DNAJB6: variants seen among roughly 807,000 people sequenced by gnomAD.
The protein encoded by DNAJB6 is DnaJ heat shock protein family (Hsp40) member B6.
DNAJB6 carries 16 observed loss-of-function variants against 42.7 expected under a neutral mutation model. The ratio of observed to expected loss-of-function variants is 0.37; its 90% CI spans 0.25 to 0.57. The LOEUF is 0.57. DNAJB6 is among the 20% of genes least tolerant of loss of function. The pLI is 0.74. For synonymous variants in DNAJB6, 170 were observed against 163.5 expected (o/e 1.04, Z -0.30); for missense variants, 347 against 416.8 (o/e 0.83, Z 1.46).
chr7:157,341,680 T>G (rs746505877), intron 1 of DNAJB6, among the ~76,000 whole-genome samples: 23 of 152,218 alleles, frequency 1.5e-4, no homozygotes, highest in Non-Finnish European at 2.5e-4. Flanking sequence ...TGGGTGGGCT[T>G]TGAATCTGAA....
chr7:157,347,855 G>A (rs904981109), intron 1 of DNAJB6, among the ~76,000 whole-genome samples: 1 of 152,166 alleles, frequency 6.6e-6, no homozygotes, highest in African/African-American at 2.4e-5. Flanking sequence ...GAGTGCAGTG[G>A]TGTGATCTTG....
At chr7:157,371,640 A>T (rs752583980) in intron 5 of DNAJB6, among the ~76,000 whole-genome samples, 1 of 152,248 alleles carries the variant, frequency 6.6e-6, no homozygotes, top group African/African-American at 2.4e-5. Flanking sequence ...TGACTGTCGA[A>T]ATTTCCAGAA....
At chr7:157,410,648 C>T (rs995934502) in intron 9 of DNAJB6, 7 of 151,266 alleles carry the variant, frequency 4.6e-5, no homozygotes, top group African/African-American at 1.8e-4. Flanking sequence ...AGCCCAGGGT[C>T]CATGTAGTGT....
At chr7:157,381,745 CGTGTGTGTGTGTGT>C (rs3839841) in intron 5 of DNAJB6, 19 of 148,728 alleles carry the variant, frequency 1.3e-4, no homozygotes, top group African/African-American at 3.7e-4. Flanking sequence ...CACCATTCCT[CGTGTGTGTGTGTGT>C]GTGTGTGTGT....
At chr7:157,343,118 T>C (rs1167020249) in intron 1 of DNAJB6, among the ~76,000 whole-genome samples, 1 of 151,980 alleles carries the variant, frequency 6.6e-6, no homozygotes, top group East Asian at 1.9e-4. Context: ...CAGCCTTCTT[T>C]CTGAGTAGCT....
chr7:157,384,012 A>C (rs1162264754), intron 6 of DNAJB6, among the ~76,000 whole-genome samples: 1 of 152,216 alleles, frequency 6.6e-6, no homozygotes, highest in African/African-American at 2.4e-5. Context: ...TCTTCAGGAC[A>C]CCACCAGCCC....
In DNAJB6 at chr7:157,417,337, G is replaced by C. The variant is rs1007885376; in HGVS notation, c.*1239G>C. ...GCTTTGTTTATTTGGTTTTGGCGGG[G>C]AGAGGAGTGGTATTTGATGCTTTCT... On this transcript the variant is annotated 3_prime_UTR_variant, in exon 10 of 10. Coordinates refer to ENST00000262177, the MANE Select transcript of DNAJB6 (RefSeq NM_058246.4). 1 of 152,216 alleles carries C rather than the reference G, an allele frequency of 6.6e-6. No individual in the cohort carries two copies. Among genetic ancestry groups the C allele is most frequent in the Non-Finnish European group, 1.5e-5 (1 of 68,034 alleles). 9.4% of individuals were successfully genotyped at this position (152,216 alleles called of 1,614,324 possible).
intron 1 of DNAJB6, among the ~76,000 whole-genome samples, chr7:157,357,909 A>G (rs1183569287): frequency 6.6e-6 from 1 of 152,208 alleles, no homozygotes; most frequent in Non-Finnish European, 1.5e-5. Flanking sequence ...AGTGTGGTCA[A>G]CAGGGCAATA....
chr7:157,393,231 C>A (rs947696944), intron 8 of DNAJB6, among the ~76,000 whole-genome samples: 2 of 152,186 alleles, frequency 1.3e-5, no homozygotes, highest in African/African-American at 2.4e-5. Context: ...CCCTCCTTGG[C>A]CTCCCAAAGT....
In DNAJB6 at chr7:157,342,458, C is replaced by T. The variant is rs56325506; in HGVS notation, c.-27+5314C>T. Among the ~76,000 whole-genome samples the T allele has an allele frequency of 5.9e-3, 897 of 151,070 alleles. 8 individuals are homozygous for T. The highest frequency in any genetic ancestry group is 0.021 in the African/African-American group (864 of 41,164). On this transcript the variant is annotated intron_variant, in intron 1 of 9. Coordinates refer to ENST00000262177, the MANE Select transcript of DNAJB6 (RefSeq NM_058246.4). ...GTTCAAGCGATTCTCCTGCCTCAGC[C>T]TCCCGAGTACATGGGATTACAGGCA...
intron 1 of DNAJB6, among the ~76,000 whole-genome samples, chr7:157,344,702 G>T (rs566124831): frequency 6.6e-6 from 1 of 152,208 alleles, no homozygotes; most frequent in Admixed American, 6.5e-5. Context: ...AGCATCGACT[G>T]CCTGGGCTCA....
At chr7:157,401,553 C>T (rs1229484653) in intron 8 of DNAJB6, among the ~76,000 whole-genome samples, 2 of 152,180 alleles carry the variant, frequency 1.3e-5, no homozygotes, top group African/African-American at 4.8e-5. Context: ...AGCACAGAGA[C>T]CTGTTCATAT....
chr7:157,397,491 G>C (rs531084902), intron 8 of DNAJB6, among the ~76,000 whole-genome samples: 1 of 152,184 alleles, frequency 6.6e-6, no homozygotes, highest in Admixed American at 6.5e-5. Context: ...TTTTGTTGGC[G>C]GGGTTTCGTG....
Position 157,361,247 on chromosome 7 carries a change from C to T in DNAJB6, c.66-1914C>T, listed in dbSNP as rs144213929. 6.4e-3 allele frequency among the ~76,000 whole-genome samples: 972 copies of T among 151,890 alleles called. 12 individuals carry two copies. The highest frequency in any genetic ancestry group is 0.022 in the African/African-American group (900 of 41,368). ...GATCTCGGCTCACTGCAACCTCTGCCTCCCAGGTTCAGGCGATTCTCCTGC... is the reference window on the plus strand; with the variant it reads ...GATCTCGGCTCACTGCAACCTCTGCTTCCCAGGTTCAGGCGATTCTCCTGC... On this transcript the variant is annotated intron_variant, in intron 2 of 9. Transcript: ENST00000262177.
chr7:157,373,068 A>T (rs962354129), intron 5 of DNAJB6, among the ~76,000 whole-genome samples: 4 of 152,014 alleles, frequency 2.6e-5, no homozygotes, highest in Non-Finnish European at 2.9e-5. Flanking sequence ...GTGCCCAGCC[A>T]CAAGTTCCCC....
chr7:157,414,121 A>T (rs1414351592), intron 9 of DNAJB6: 1 of 152,364 alleles, frequency 6.6e-6, no homozygotes, highest in Non-Finnish European at 1.5e-5. Context: ...GGGCGACTGC[A>T]GTGTGGTCAC....
intron 1 of DNAJB6, among the ~76,000 whole-genome samples, chr7:157,340,946 G>C (rs947124901): frequency 6.6e-6 from 1 of 151,504 alleles, no homozygotes; most frequent in Non-Finnish European, 1.5e-5. Context: ...GATTACAGGC[G>C]TGACCCACCG....
At chr7:157,344,349 C>CAAAA (rs940085123) in intron 1 of DNAJB6, among the ~76,000 whole-genome samples, 6 of 122,036 alleles carry the variant, frequency 4.9e-5, no homozygotes, top group Admixed American at 2.6e-4. Flanking sequence ...GACTCCGTCT[C>CAAAA]AAAAAAAAAA....
chr7:157,401,363 G>A (rs934433929), intron 8 of DNAJB6, among the ~76,000 whole-genome samples: 9 of 152,116 alleles, frequency 5.9e-5, no homozygotes, highest in Middle Eastern at 3.4e-3. Context: ...TTACAGGCAC[G>A]CGCCACCACA....
Sources: gnomAD v4.1 joint callset for allele counts (sites outside exome capture counted in the v4.1 genomes callset) on GRCh38, gnomAD v4.1.1 for gene constraint, MANE v1.5 for transcripts, NCBI Gene and HGNC (gene_info 2026-07-23, HGNC 2026-07-21) for gene names.